RBFOX1: variants seen among roughly 807,000 people sequenced by gnomAD.
RBFOX1 encodes the protein RNA binding protein fox-1 homolog 1.
RBFOX1 carries 8 observed loss-of-function variants against 57.7 expected under a neutral mutation model. The ratio of observed to expected loss-of-function variants is 0.14; its 90% confidence interval spans 0.08 to 0.25. The LOEUF (loss-of-function observed/expected upper bound fraction) is 0.25, where lower values mean the gene tolerates loss of function less well. Ranked by LOEUF, RBFOX1 falls within the 10% of genes least tolerant of loss-of-function variation. The pLI, the probability that RBFOX1 is intolerant of heterozygous loss-of-function variation, is 1.00. For synonymous variants in RBFOX1, 326 were observed against 222.4 expected (o/e 1.47, Z -4.15); for missense variants, 611 against 548.5 (o/e 1.11, Z -1.14).
At chr16:5,555,372 T>C (rs930609918) in intron 2 of RBFOX1, among the ~76,000 whole-genome samples, 5 of 152,046 alleles carry the variant, frequency 3.3e-5, no homozygotes, top group African/African-American at 1.2e-4. Context: ...TGCCTCAGCC[T>C]CCCGAGTAGC....
At chr16:7,703,361 G>A (rs916216132) in intron 14 of RBFOX1, among the ~76,000 whole-genome samples, 1 of 152,140 alleles carries the variant, frequency 6.6e-6, no homozygotes, top group African/African-American at 2.4e-5. Context: ...CCATTTGGCT[G>A]TTTAGGATGT....
At chr16:7,199,577 C>G (rs932311583) in intron 4 of RBFOX1, among the ~76,000 whole-genome samples, 1 of 152,102 alleles carries the variant, frequency 6.6e-6, no homozygotes, top group Admixed American at 6.5e-5. Flanking sequence ...AGCCAATAAT[C>G]TGATCAGGGC....
At chr16:6,759,212 A>T (rs199767290) in intron 3 of RBFOX1, among the ~76,000 whole-genome samples, 8 of 150,802 alleles carry the variant, frequency 5.3e-5, no homozygotes, top group Non-Finnish European at 1.0e-4. Flanking sequence ...GTGCAGTGGC[A>T]TAACCTTAGC....
chr16:5,847,756 C>T (rs1010237904), intron 3 of RBFOX1, among the ~76,000 whole-genome samples: 9 of 152,130 alleles, frequency 5.9e-5, no homozygotes, highest in East Asian at 5.8e-4. Context: ...TCTCTCGGTC[C>T]GTGCAACAAA....
At chr16:7,444,606 C>T (rs576099292) in intron 4 of RBFOX1, among the ~76,000 whole-genome samples, 1 of 152,168 alleles carries the variant, frequency 6.6e-6, no homozygotes, top group South Asian at 2.1e-4. Context: ...GATCCTAGCT[C>T]ACTGCAGCCT....
In RBFOX1 at chr16:5,349,859, T is replaced by C. The variant is rs13332493; in HGVS notation, c.219+109754T>C. On this transcript the variant is annotated intron_variant, in intron 1 of 2. Coordinates refer to the RBFOX1 transcript ENST00000585867. ...CTGAGGCCCCAGGAAGCAGCCCTGC[T>C]GAGCAGTCTCTCTCCCTGGCCAGGA... is the stretch of plus-strand genomic sequence containing the variant. 4.2e-3 allele frequency among the ~76,000 whole-genome samples: 637 copies of C among 152,340 alleles called. 3 individuals are homozygous for C. Among genetic ancestry groups the C allele is most frequent in the African/African-American group, 0.014 (566 of 41,594 alleles).
At chr16:6,782,770 A>T (rs1010331826) in intron 3 of RBFOX1, among the ~76,000 whole-genome samples, 1 of 152,186 alleles carries the variant, frequency 6.6e-6, no homozygotes, top group Non-Finnish European at 1.5e-5. Flanking sequence ...ATTAAGTCAG[A>T]TGTGTCTTTG....
Position 6,513,531 on chromosome 16 carries a change from C to T in RBFOX1, c.-63-141072C>T, listed in dbSNP as rs552388339. Among the ~76,000 whole-genome samples, 13 of 152,058 alleles carry T rather than the reference C, an allele frequency of 8.5e-5. No individual in the cohort carries two copies. The South Asian group carries it at 1.5e-3, about 17-fold the overall frequency. ...GGCGGATCACCTGAGGTCAGGAGTT[C>T]GAGACCAGCCTAGCCAACATGGTGA... On this transcript the variant is annotated intron_variant, in intron 2 of 15. Coordinates refer to ENST00000550418, the MANE Select transcript of RBFOX1 (RefSeq NM_018723.4).
intron 1 of RBFOX1, among the ~76,000 whole-genome samples, chr16:5,399,484 A>G (rs375135906): frequency 4.6e-5 from 7 of 152,334 alleles, no homozygotes; most frequent in African/African-American, 1.7e-4. Context: ...AATGAACACC[A>G]TTAACATTTT....
chr16:7,167,074 C>T (rs1046473148), intron 4 of RBFOX1, among the ~76,000 whole-genome samples: 3 of 140,562 alleles, frequency 2.1e-5, no homozygotes, highest in Non-Finnish European at 3.0e-5. Flanking sequence ...CAACCTCCGT[C>T]CCCTGGGTTC....
chr16:7,096,316 G>A (rs1040979660), intron 4 of RBFOX1, among the ~76,000 whole-genome samples: 1 of 152,162 alleles, frequency 6.6e-6, no homozygotes, highest in African/African-American at 2.4e-5. Context: ...CAGGCAGTCA[G>A]AACCAGGTGG....
At chr16:7,486,105 G>C (rs773797753) in intron 4 of RBFOX1, among the ~76,000 whole-genome samples, 17 of 140,306 alleles carry the variant, frequency 1.2e-4, no homozygotes, top group Admixed American at 8.7e-4. Context: ...GTGGGTATTT[G>C]TGTGTTTGTG....
At chr16:6,198,523 G>GAACTTGAGCATGTCAGTA (rs1160154835) in intron 1 of RBFOX1, among the ~76,000 whole-genome samples, 4 of 152,170 alleles carry the variant, frequency 2.6e-5, no homozygotes, top group Non-Finnish European at 5.9e-5. Context: ...GGAACTGTGT[G>GAACTTGAGCATGTCAGTA]ACCTTGAGCA....
At chr16:7,111,206 G>A (rs2064694209) in intron 4 of RBFOX1, among the ~76,000 whole-genome samples, 1 of 152,196 alleles carries the variant, frequency 6.6e-6, no homozygotes, top group Admixed American at 6.5e-5. Context: ...GGAGTTCAGT[G>A]TGATCAGATG....
chr16:5,381,225 C>G (rs140252693), intron 1 of RBFOX1, among the ~76,000 whole-genome samples: 3 of 152,344 alleles, frequency 2.0e-5, no homozygotes, highest in East Asian at 3.9e-4. Flanking sequence ...AAAGGCAGGG[C>G]AGACCCTATG....
intron 13 of RBFOX1, among the ~76,000 whole-genome samples, chr16:7,673,881 C>CT (rs1568396354): frequency 6.6e-6 from 1 of 152,090 alleles, no homozygotes; most frequent in Admixed American, 6.5e-5. Context: ...ACATTTTTGT[C>CT]AAATGATCTC....
intron 10 of RBFOX1, chr16:7,615,116 G>T (rs564699736): frequency 5.3e-5 from 8 of 152,158 alleles, no homozygotes; most frequent in Non-Finnish European, 1.0e-4. Flanking sequence ...GGTGGATCAC[G>T]AGGTCAGGAG....
intron 2 of RBFOX1, among the ~76,000 whole-genome samples, chr16:5,552,623 G>C (rs879525662): frequency 1.3e-5 from 2 of 152,198 alleles, no homozygotes; most frequent in Non-Finnish European, 2.9e-5. Context: ...TTATTTGTAA[G>C]TGTAGAGAAG....
At chr16:6,758,250 C>G (rs578055040) in intron 3 of RBFOX1, among the ~76,000 whole-genome samples, 2 of 151,940 alleles carry the variant, frequency 1.3e-5, no homozygotes, top group African/African-American at 2.4e-5. Flanking sequence ...AGAATCAGTC[C>G]TCTGCTTGCT....
Sources: gnomAD v4.1 joint callset for allele counts (sites outside exome capture counted in the v4.1 genomes callset) on GRCh38, gnomAD v4.1.1 for gene constraint, MANE v1.5 for transcripts, NCBI Gene and HGNC (gene_info 2026-07-23, HGNC 2026-07-21) for gene names.